PLEKHG5: variants seen among roughly 807,000 people sequenced by gnomAD.
PLEKHG5 encodes pleckstrin homology domain-containing family G member 5.
In PLEKHG5, 52 loss-of-function variants were observed where a neutral mutation model predicts 103.8. The observed-to-expected ratio is 0.50, with a 90% CI of 0.40 to 0.63. The LOEUF is 0.63. Among genes scored for constraint, PLEKHG5 ranks in the 30% least tolerant of loss-of-function variants. The pLI, the probability that PLEKHG5 is intolerant of heterozygous loss-of-function variation, is 0.00. For missense variants in PLEKHG5, 1,205 were observed against 1,347.6 expected, an observed-to-expected ratio of 0.89 and a Z score of 1.66; for synonymous variants, 592 against 575.5, an observed-to-expected ratio of 1.03 and a Z score of -0.41.
intron 1 of PLEKHG5, among the ~76,000 whole-genome samples, chr1:6,488,315 C>T (rs573955697): frequency 1.3e-5 from 2 of 152,378 alleles, no homozygotes; most frequent in East Asian, 1.9e-4. Context: ...CCCAAAGTCA[C>T]CAGCTGCTGC....
In PLEKHG5 at chr1:6,491,585, AC is replaced by A; in HGVS notation, c.-88+51del. The A allele has an allele frequency of 2.2e-6, 2 of 912,346 alleles. No homozygotes were observed. The highest frequency in any genetic ancestry group is 2.6e-6 in the Non-Finnish European group (2 of 764,204). The allele number at this position is 912,346 out of a possible 1,614,324, so 56.5% of individuals were successfully genotyped here. On this transcript the variant is annotated intron_variant, in intron 1 of 20. Coordinates refer to ENST00000377728, the MANE Select transcript of PLEKHG5 (RefSeq NM_020631.6). This position sits in a 1 kb window ranked among gnomAD's most constrained non-coding sequence, Gnocchi z 4.1. ...GGGGCATCCTGGTCTGCCGCTGCTC[AC>A]CCCCAAAGCATTGCCCAGGAGAATA...
upstream of PLEKHG5, chr1:6,496,348 C>T: frequency 1.7e-6 from 1 of 588,236 alleles, no homozygotes; most frequent in Admixed American, 3.2e-5. Context: ...ACCAGACACA[C>T]TGTGGCCCCA....
rs1644798275 is a variant in PLEKHG5, at chr1:6,477,618, C to T, written c.-47G>A. ...ACAGGCCTCGCAGAGGTTGAGGGGC[C>T]CCCGGCGGTGCAGCTGCTGGCAGTC... On this transcript the variant is annotated 5_prime_UTR_variant, in exon 2 of 21. Coordinates refer to ENST00000377728, the MANE Select transcript of PLEKHG5 (RefSeq NM_020631.6). 6.2e-7 allele frequency: 1 copy of T among 1,609,818 alleles called. No homozygotes were observed.
chr1:6,513,105 C>T (rs549609525), intron 1 of PLEKHG5, among the ~76,000 whole-genome samples: 1 of 152,386 alleles, frequency 6.6e-6, no homozygotes, highest in South Asian at 2.1e-4. Flanking sequence ...GCCTGGATCC[C>T]GCTGTGGAGC....
intron 1 of PLEKHG5, among the ~76,000 whole-genome samples, chr1:6,489,841 G>A (rs1645113677): frequency 6.6e-6 from 1 of 152,184 alleles, no homozygotes; most frequent in African/African-American, 2.4e-5. Flanking sequence ...CCCGGCTAAA[G>A]GGCAGGAGAA....
intron 1 of PLEKHG5, chr1:6,485,861 C>G (rs1301532352): frequency 1.1e-5 from 11 of 988,990 alleles, no homozygotes; most frequent in Non-Finnish European, 1.3e-5. Flanking sequence ...CGGCCCCGGG[C>G]CCCTCTCTTC....
At position 6,469,167 on chromosome 1, in the gene PLEKHG5, C is replaced by T. The variant is rs370521517; in HGVS notation, c.2124G>A (p.Glu708=). The T allele has an allele frequency of 2.6e-5, 42 of 1,612,992 alleles. No homozygotes were observed. Among genetic ancestry groups the T allele is most frequent in the East Asian group, 6.7e-5 (3 of 44,900 alleles). The change falls in exon 19 of 21, where the codon GAG becomes GAA. Residue 708 remains glutamate, a synonymous_variant. Coordinates refer to ENST00000377728, the MANE Select transcript of PLEKHG5 (RefSeq NM_020631.6). ...CCTCCTCTTCCTCCTCCTGCTCATCCTCCTCCTCTTCCAGGCTCTGCAGGG... is the reference window on the plus strand; with the variant it reads ...CCTCCTCTTCCTCCTCCTGCTCATCTTCCTCCTCTTCCAGGCTCTGCAGGG... The part of the protein sequence containing the change: ...QQPLQSLEEE[E]DEQEEEEEEE...
chr1:6,472,736 C>A, intron 9 of PLEKHG5, 114 bp from the exon 10 acceptor site: 1 of 823,248 alleles, frequency 1.2e-6, no homozygotes. Flanking sequence ...ATGGAGGTCC[C>A]AAGAGGAGCA....
rs749530565 is a variant in PLEKHG5, at chr1:6,470,543, T to C, written c.1643A>G (p.Tyr548Cys). The C allele has an allele frequency of 5.6e-6, 9 of 1,606,516 alleles. No homozygotes were observed. The African/African-American group carries it at 1.1e-4, about 19-fold the overall frequency. ...LAAVVSRIDA[Y>C]EVVESSSDEV... ...GTCGCTGCTGCTTTCCACCACCTCG[T>C]AGGCGTCGATGCGGCTCACCACGGC... Residue 548 changes from tyrosine (Y) to cysteine (C), a missense_variant, in exon 15 of 21, where the codon TAC becomes TGC. Physicochemically the swap from Tyr to Cys is radical, Grantham distance 194. Transcript: ENST00000377728.
chr1:6,493,167 C>G (rs548796201), upstream of PLEKHG5, among the ~76,000 whole-genome samples: 7 of 152,302 alleles, frequency 4.6e-5, no homozygotes, highest in Middle Eastern at 6.8e-3. Flanking sequence ...GCCCAGAAGC[C>G]GAAGGGTCCA....
In PLEKHG5 at chr1:6,473,095, A is replaced by C. The variant is rs760512382; in HGVS notation, c.875T>G (p.Leu292Arg). The C allele has an allele frequency of 1.9e-6, 3 of 1,613,896 alleles. No individual in the cohort carries two copies. The highest frequency in any genetic ancestry group is 2.5e-6 in the Non-Finnish European group (3 of 1,179,862). Residue 292 changes from leucine (L) to arginine (R), a missense_variant, in exon 9 of 21, where the codon CTG becomes CGG. Leu to Arg is a moderately radical substitution (Grantham distance 102). Coordinates refer to ENST00000377728, the MANE Select transcript of PLEKHG5 (RefSeq NM_020631.6). The part of the protein sequence containing the change: ...LFGLPRLPRG[L>R]RFDHDSWEEE... ...CTCCCAGGAGTCATGGTCGAAGCGC[A>C]GCCCCCGGGGCAGCCTGGGCAGCCC...
chr1:6,479,698 C>T (rs552495568), intron 1 of PLEKHG5, among the ~76,000 whole-genome samples: 1 of 152,234 alleles, frequency 6.6e-6, no homozygotes, highest in East Asian at 1.9e-4. Flanking sequence ...GCAACCTCAA[C>T]CTCCCGGACT....
chr1:6,485,649 C>T (rs1275041293), intron 1 of PLEKHG5, among the ~76,000 whole-genome samples: 1 of 149,690 alleles, frequency 6.7e-6, no homozygotes, highest in African/African-American at 2.5e-5. Context: ...TCCCCGCCTC[C>T]CCGCCCGGGA....
rs116507160 is a variant in PLEKHG5, at chr1:6,485,858, G to C, written c.-88+5779C>G. 7.6e-3 allele frequency: 7,535 copies of C among 988,572 alleles called. 407 individuals are homozygous for C. The African/African-American group carries it at 0.12, about 15-fold the overall frequency. The allele number at this position is 988,572 out of a possible 1,614,324, so 61.2% of individuals were successfully genotyped here. On this transcript the variant is annotated intron_variant, in intron 1 of 20. Coordinates refer to ENST00000377728, the MANE Select transcript of PLEKHG5 (RefSeq NM_020631.6). ...CACCTCTGCGCCTCTGCGCGGCCCC[G>C]GGCCCCTCTCTTCTCTGACTCCCTC...
At chr1:6,512,218 C>T (rs377323193) in intron 1 of PLEKHG5, among the ~76,000 whole-genome samples, 3 of 152,180 alleles carry the variant, frequency 2.0e-5, no homozygotes, top group African/African-American at 7.2e-5. Context: ...ACCCTCCATA[C>T]CATTGGCTCC....
chr1:6,508,550 C>T (rs1638394418), intron 1 of PLEKHG5, among the ~76,000 whole-genome samples: 1 of 152,240 alleles, frequency 6.6e-6, no homozygotes, highest in Non-Finnish European at 1.5e-5. Context: ...GCCAGCCCCT[C>T]TCTCTGAGGC....
chr1:6,485,234 A>AC (rs1644999045), intron 1 of PLEKHG5: 1 of 861,510 alleles, frequency 1.2e-6, no homozygotes, highest in Non-Finnish European at 1.6e-6. Context: ...AGTCACGGGC[A>AC]CCCCCTCCCT....
intron 1 of PLEKHG5, among the ~76,000 whole-genome samples, chr1:6,518,199 TG>T (rs1373207537): frequency 6.6e-6 from 1 of 151,694 alleles, no homozygotes; most frequent in Non-Finnish European, 1.5e-5. Context: ...CCCAAAGTGC[TG>T]GGATTACAGG....
At position 6,490,973 on chromosome 1, in the gene PLEKHG5, C is replaced by T. The variant is rs1235124958; in HGVS notation, c.-88+664G>A. On this transcript the variant is annotated intron_variant, in intron 1 of 20. Transcript: ENST00000377728. The surrounding 1 kb of genome is among the most constrained non-coding windows in gnomAD (Gnocchi z 8.0). Reference sequence around the variant, plus strand: ...GGGACCAGGCAGAGAGACCCGCAGGCCTAGCCCGCCCCGGAATCGCCCTGA... The same window carrying T: ...GGGACCAGGCAGAGAGACCCGCAGGTCTAGCCCGCCCCGGAATCGCCCTGA... Among the ~76,000 whole-genome samples the T allele has an allele frequency of 6.6e-6, 1 of 152,194 alleles. No homozygotes were observed. The highest frequency in any genetic ancestry group is 1.5e-5 in the Non-Finnish European group (1 of 68,024).
Sources: gnomAD v4.1 joint callset for allele counts (sites outside exome capture counted in the v4.1 genomes callset) on GRCh38, gnomAD v4.1.1 for gene constraint, Gnocchi (gnomAD v3.1) non-coding constraint, MANE v1.5 for transcripts, NCBI Gene and HGNC (gene_info 2026-07-23, HGNC 2026-07-21) for gene names.